Variants in PCSK1 observed in about 807,000 individuals in gnomAD.
PCSK1 encodes the protein neuroendocrine convertase 1.
Under a neutral mutation model 90.6 loss-of-function variants are expected in PCSK1, and 56 were observed. That is an observed-to-expected ratio of 0.62 (90% CI 0.50 to 0.77). The LOEUF (loss-of-function observed/expected upper bound fraction) is 0.77. Among genes scored for constraint, PCSK1 ranks in the 30% least tolerant of loss-of-function variants. PCSK1 has a pLI of 0.00. For synonymous variants in PCSK1, 348 were observed against 342.4 expected (o/e 1.02, Z -0.18); for missense variants, 801 against 932.6 (o/e 0.86, Z 1.84).
At chr5:96,408,371 G>T (rs747459026) in intron 8 of PCSK1, 48 bp from the exon 9 acceptor site, 1 of 1,342,736 alleles carries the variant, frequency 7.4e-7, no homozygotes, top group East Asian at 2.3e-5. Context: ...CACGTGAGGA[G>T]TGTGGGCCTG....
chr5:96,421,993 TAAAAAAAAAAAA>T (rs11317408), intron 4 of PCSK1, 37 bp from the exon 5 acceptor site: 226 of 357,992 alleles, frequency 6.3e-4, no homozygotes, highest in Non-Finnish European at 6.9e-4. Context: ...GTGGCAGCAT[TAAAAAAAAAAAA>T]AAAAAAAAAA....
chr5:96,422,324 G>T (rs575802366), intron 4 of PCSK1, among the ~76,000 whole-genome samples: 3 of 152,252 alleles, frequency 2.0e-5, no homozygotes, highest in Middle Eastern at 6.8e-3. Flanking sequence ...AGGCCATAAA[G>T]CTAGTTAGTG....
intron 3 of PCSK1, among the ~76,000 whole-genome samples, chr5:96,423,688 T>C (rs1761195629): frequency 6.6e-6 from 1 of 152,238 alleles, no homozygotes; most frequent in African/African-American, 2.4e-5. Flanking sequence ...CTTGAAAAGA[T>C]GAATCACCTG....
At chr5:96,421,449 T>C (rs1034337714) in intron 5 of PCSK1, among the ~76,000 whole-genome samples, 2 of 152,260 alleles carry the variant, frequency 1.3e-5, no homozygotes, top group African/African-American at 4.8e-5. Flanking sequence ...TGAAGGTGAC[T>C]GTAGCCACCG....
intron 8 of PCSK1, among the ~76,000 whole-genome samples, chr5:96,410,186 A>C (rs776210291): frequency 5.9e-5 from 9 of 152,090 alleles, no homozygotes; most frequent in Non-Finnish European, 1.0e-4. Context: ...CGTCTGACTC[A>C]TGGAAGCAAA....
chr5:96,413,421 A>G (rs1318465347), intron 6 of PCSK1, among the ~76,000 whole-genome samples: 2 of 152,214 alleles, frequency 1.3e-5, no homozygotes, highest in East Asian at 3.8e-4. Flanking sequence ...AGATTTTCAC[A>G]CTTATTTACT....
At chr5:96,415,914 G>A (rs1315942677) in intron 6 of PCSK1, 119 bp downstream of exon 6, 3 of 721,234 alleles carry the variant, frequency 4.2e-6, no homozygotes, top group Non-Finnish European at 7.6e-6. Flanking sequence ...AGCAACTTTG[G>A]CATGGAACTA....
chr5:96,411,106 A>AT, intron 7 of PCSK1, 120 bp from the exon 8 acceptor site: 1 of 800,914 alleles, frequency 1.2e-6, no homozygotes, highest in Non-Finnish European at 2.2e-6. Context: ...TTTGGGATCT[A>AT]TTTTCAATTC....
intron 3 of PCSK1, among the ~76,000 whole-genome samples, chr5:96,425,056 GAA>G (rs1561376459): frequency 9.1e-5 from 11 of 120,408 alleles, no homozygotes; most frequent in Non-Finnish European, 2.1e-4. Flanking sequence ...AAGAAAGAAA[GAA>G]AGAAAGAAAG....
rs908660932 is a variant in PCSK1 at position 96,408,579 on chromosome 5, T to C, written c.1096-256A>G. 3.9e-5 allele frequency among the ~76,000 whole-genome samples: 6 copies of C among 152,224 alleles called. No individual in the cohort carries two copies. In the East Asian group the frequency reaches 5.8e-4, roughly 15 times the overall value. ...GGGGATGAAGTACTCCCACTACGAA[T>C]ATTTTCTTTTCTGAGATTCCCAAAC... On this transcript the variant is annotated intron_variant, in intron 8 of 13. Transcript: ENST00000311106.
At chr5:96,411,521 G>A (rs1760753380) in intron 7 of PCSK1, among the ~76,000 whole-genome samples, 1 of 152,192 alleles carries the variant, frequency 6.6e-6, no homozygotes, top group Admixed American at 6.5e-5. Context: ...GGAGCACAAG[G>A]CTTTAGAATC....
chr5:96,412,642 A>G, intron 6 of PCSK1, 152 bp from the exon 7 acceptor site: 1 of 735,444 alleles, frequency 1.4e-6, no homozygotes, highest in Non-Finnish European at 2.3e-6. Flanking sequence ...TCTGTAACCC[A>G]GCTACTGACA....
intron 5 of PCSK1, among the ~76,000 whole-genome samples, chr5:96,419,943 T>A (rs1318014267): frequency 6.6e-6 from 1 of 152,022 alleles, no homozygotes; most frequent in Non-Finnish European, 1.5e-5. Flanking sequence ...ATCGTACAAG[T>A]TATCACCCAC....
At chr5:96,419,405 CACTT>C (rs1330113198) in intron 5 of PCSK1, among the ~76,000 whole-genome samples, 3 of 147,988 alleles carry the variant, frequency 2.0e-5, no homozygotes, top group Admixed American at 6.8e-5. Context: ...TATATAAACT[CACTT>C]AATACCTCTC....
chr5:96,394,215 A>T (rs1229515958), intron 13 of PCSK1, among the ~76,000 whole-genome samples: 2 of 152,230 alleles, frequency 1.3e-5, no homozygotes, highest in African/African-American at 4.8e-5. Flanking sequence ...ACTGTGCTAG[A>T]TGCTGGGATA....
intron 6 of PCSK1, chr5:96,412,889 G>GGGGCCC: frequency 3.0e-6 from 1 of 329,994 alleles, no homozygotes; most frequent in Non-Finnish European, 4.6e-6. Context: ...CAAAATGTTT[G>GGGGCCC]CCCTCCCTCC....
chr5:96,396,099 CT>C (rs779859975), intron 12 of PCSK1, among the ~76,000 whole-genome samples: 3 of 151,952 alleles, frequency 2.0e-5, no homozygotes, highest in South Asian at 4.2e-4. Flanking sequence ...TAAGAACATT[CT>C]TTTTTTGCTC....
At chr5:96,412,622 G>A (rs1760793336) in intron 6 of PCSK1, 132 bp from the exon 7 acceptor site, 2 of 806,854 alleles carry the variant, frequency 2.5e-6, no homozygotes, top group East Asian at 2.7e-5. Flanking sequence ...CTAGATAGAT[G>A]TCCCCAATTT....
At position 96,393,224 on chromosome 5, in the gene PCSK1, G is replaced by A. The variant is rs772597431; in HGVS notation, c.2039C>T (p.Pro680Leu). ...GGACTTCTTTGGTGATTGCTTTGGC[G>A]GTGAGTTTTTACTGAAAGCACTTTG... ...LLQSAFSKNSPPKQSPKKSPS... is the reference protein window; with the variant it reads ...LLQSAFSKNSLPKQSPKKSPS... Residue 680 changes from proline to leucine, a missense_variant, in exon 14 of 14, where the codon CCG becomes CTG. Coordinates refer to ENST00000311106, the MANE Select transcript of PCSK1 (RefSeq NM_000439.5). 27 of 1,613,908 alleles carry A rather than the reference G, an allele frequency of 1.7e-5. No homozygotes were observed. The South Asian group carries it at 2.2e-4, about 13-fold the overall frequency.
Sources: gnomAD v4.1 joint callset for allele counts (sites outside exome capture counted in the v4.1 genomes callset) on GRCh38, gnomAD v4.1.1 for gene constraint, MANE v1.5 for transcripts, NCBI Gene and HGNC (gene_info 2026-07-23, HGNC 2026-07-21) for gene names.